The following EYS variants were observed in gnomAD, a reference collection of about 807,000 sequenced individuals.
The protein encoded by EYS is protein eyes shut homolog.
A neutral mutation model predicts 282.1 loss-of-function variants in EYS; 250 were observed. The observed-to-expected ratio is 0.89, with a 90% CI of 0.80 to 0.98. The LOEUF (loss-of-function observed/expected upper bound fraction) is 0.98, where lower values mean the gene tolerates loss of function less well. Ranked by LOEUF, EYS falls within the 50% of genes least tolerant of loss-of-function variation. The pLI, the probability that EYS is intolerant of heterozygous loss-of-function variation, is 0.00. For missense variants in EYS, 4,016 were observed against 3,709.0 expected (o/e 1.08, Z -2.15); for synonymous variants, 1,355 against 1,282.9 (o/e 1.06, Z -1.20).
At chr6:65,528,274 T>A (rs974300350) in intron 2 of EYS, among the ~76,000 whole-genome samples, 4 of 152,220 alleles carry the variant, frequency 2.6e-5, no homozygotes, top group Non-Finnish European at 5.9e-5. Context: ...CAGAAAAAAA[T>A]TTCACTGAAA....
intron 30 of EYS, among the ~76,000 whole-genome samples, chr6:64,299,541 G>T (rs1769157716): frequency 6.6e-6 from 1 of 152,174 alleles, no homozygotes; most frequent in Admixed American, 6.5e-5. Flanking sequence ...AGGTGAAAAG[G>T]ACTGTGCAGT....
Position 64,442,076 on chromosome 6 carries a change from G to C in EYS, c.5645-2724C>G, listed in dbSNP as rs1034344312. 4.9e-4 allele frequency among the ~76,000 whole-genome samples: 74 copies of C among 152,170 alleles called. 3 individuals carry two copies. The highest frequency in any genetic ancestry group is 4.2e-3 in the Admixed American group (64 of 15,274). On this transcript the variant is annotated intron_variant, in intron 26 of 42. Coordinates refer to ENST00000503581, the MANE Select transcript of EYS (RefSeq NM_001142800.2). ...ATGTGGGAAAGTTTGGAATTCCCTA[G>C]AGACTTGTTGAATGGCTTTGACCAA... is the stretch of plus-strand genomic sequence containing the variant.
chr6:64,092,516 T>G (rs1410553822), intron 31 of EYS, among the ~76,000 whole-genome samples: 3 of 152,172 alleles, frequency 2.0e-5, no homozygotes, highest in Non-Finnish European at 4.4e-5. Context: ...TGATGAGCAT[T>G]TTTTCATGTG....
At chr6:64,093,610 C>T (rs1034597986) in intron 31 of EYS, among the ~76,000 whole-genome samples, 15 of 152,112 alleles carry the variant, frequency 9.9e-5, no homozygotes, top group African/African-American at 3.4e-4. Flanking sequence ...ATTTAGTATC[C>T]CGAGACTTTG....
chr6:65,096,818 C>T (rs1774752827), intron 12 of EYS, among the ~76,000 whole-genome samples: 1 of 150,914 alleles, frequency 6.6e-6, no homozygotes, highest in Non-Finnish European at 1.5e-5. Context: ...AAATTGGACC[C>T]TTATCTTACA....
chr6:63,895,716 G>A (rs1773519321), intron 35 of EYS, among the ~76,000 whole-genome samples: 2 of 152,072 alleles, frequency 1.3e-5, no homozygotes, highest in African/African-American at 2.4e-5. Flanking sequence ...TTAACCTCAT[G>A]TATTGCTACC....
intron 14 of EYS, among the ~76,000 whole-genome samples, chr6:64,947,373 T>G (rs1562271053): frequency 6.6e-6 from 1 of 151,914 alleles, no homozygotes; most frequent in Non-Finnish European, 1.5e-5. Context: ...TAAGAAGTTC[T>G]ACTCAGTACT....
At chr6:65,329,633 G>A (rs147081869) in intron 11 of EYS, 1 of 981,346 alleles carries the variant, frequency 1.0e-6, no homozygotes, top group Non-Finnish European at 1.2e-6. Context: ...AGAAAAGTTT[G>A]CATAGTATAG....
At chr6:65,149,220 T>C (rs1360256896) in intron 12 of EYS, among the ~76,000 whole-genome samples, 1 of 152,130 alleles carries the variant, frequency 6.6e-6, no homozygotes, top group East Asian at 1.9e-4. Flanking sequence ...TTTCTAAATT[T>C]TTATGCTCTG....
intron 35 of EYS, among the ~76,000 whole-genome samples, chr6:63,931,727 G>A (rs1006333173): frequency 6.6e-6 from 1 of 152,106 alleles, no homozygotes; most frequent in Non-Finnish European, 1.5e-5. Context: ...TCACATCAGG[G>A]TAATTAGCAT....
chr6:64,855,977 T>G (rs2150045072), intron 19 of EYS, among the ~76,000 whole-genome samples: 1 of 152,316 alleles, frequency 6.6e-6, no homozygotes, highest in South Asian at 2.1e-4. Context: ...TAAATTTCCA[T>G]TTTACTGATG....
At chr6:63,898,511 A>T (rs1446580160) in intron 35 of EYS, among the ~76,000 whole-genome samples, 1 of 146,386 alleles carries the variant, frequency 6.8e-6, no homozygotes, top group Admixed American at 6.9e-5. Flanking sequence ...TAATAAAAAT[A>T]AATAAATAAA....
At chr6:63,812,353 T>G (rs115817395) in intron 36 of EYS, among the ~76,000 whole-genome samples, 1,806 of 152,178 alleles carry the variant, frequency 0.012, 31 homozygotes, top group African/African-American at 0.042. Context: ...CTCGCTCAGG[T>G]GTTCTCTCCT....
At chr6:64,201,435 T>G (rs1319605599) in intron 31 of EYS, among the ~76,000 whole-genome samples, 3 of 152,120 alleles carry the variant, frequency 2.0e-5, no homozygotes, top group Admixed American at 6.6e-5. Flanking sequence ...AAATGAAATG[T>G]TTCTAAACTC....
chr6:63,926,644 A>G (rs533641975), intron 35 of EYS, among the ~76,000 whole-genome samples: 120 of 152,360 alleles, frequency 7.9e-4, no homozygotes, highest in African/African-American at 2.8e-3. Context: ...CAGTTAGTCC[A>G]GACATTCAAT....
intron 31 of EYS, among the ~76,000 whole-genome samples, chr6:64,145,534 T>C (rs1359777580): frequency 6.6e-6 from 1 of 152,200 alleles, no homozygotes; most frequent in Non-Finnish European, 1.5e-5. Flanking sequence ...TTCACACCCA[T>C]ATATGAAAAA....
Position 65,266,887 on chromosome 6 carries a change from C to CATATAT in EYS, c.2023+28970_2023+28975dup, listed in dbSNP as rs10571039. ...ATAAATACACATCTTAATGTGTGTG[C>CATATAT]ATATATATATATATATATATACATC... is the stretch of plus-strand genomic sequence containing the variant. On this transcript the variant is annotated intron_variant, in intron 12 of 42. Coordinates refer to ENST00000503581, the MANE Select transcript of EYS (RefSeq NM_001142800.2). Among the ~76,000 whole-genome samples, 283 of 139,590 alleles carry CATATAT rather than the reference C, an allele frequency of 2.0e-3. 1 individual carries two copies. The highest frequency in any genetic ancestry group is 0.018 in the South Asian group (80 of 4,374). The allele number at this position is 139,590 out of a possible 152,430, so 91.6% of individuals were successfully genotyped here. A position where few individuals can be genotyped will look rare whatever the true frequency, so the allele number is the denominator to read the frequency against.
At chr6:64,219,299 C>T (rs1326737730) in intron 31 of EYS, among the ~76,000 whole-genome samples, 1 of 152,070 alleles carries the variant, frequency 6.6e-6, no homozygotes, top group Non-Finnish European at 1.5e-5. Context: ...TTTTCAATAC[C>T]TACAAGTGAC....
intron 36 of EYS, among the ~76,000 whole-genome samples, chr6:63,819,052 A>G (rs1771254241): frequency 6.6e-6 from 1 of 152,174 alleles, no homozygotes; most frequent in Non-Finnish European, 1.5e-5. Flanking sequence ...CCTTCTCACA[A>G]ATCACTAGAC....
Sources: allele counts gnomAD v4.1 joint callset (sites outside exome capture counted in the v4.1 genomes callset), GRCh38; gene constraint gnomAD v4.1.1; transcripts MANE v1.5; gene names NCBI Gene and HGNC (gene_info 2026-07-23, HGNC 2026-07-21).